The following NAV2 variants were observed in gnomAD, a reference collection of about 807,000 sequenced individuals.
The protein encoded by NAV2 is helicase, APC down-regulated 1.
In NAV2, 54 loss-of-function variants were observed where a neutral mutation model predicts 223.2. That is an observed-to-expected ratio of 0.24 (90% CI 0.19 to 0.30). NAV2 has a LOEUF of 0.30. Ranked by LOEUF, NAV2 falls within the 10% of genes least tolerant of loss-of-function variation. The pLI is 1.00. For missense variants in NAV2, 2,806 were observed against 3,147.5 expected (o/e 0.89, Z 2.60); for synonymous variants, 1,279 against 1,239.3 (o/e 1.03, Z -0.67).
At chr11:19,817,867 A>G (rs1371671975) in intron 1 of NAV2, among the ~76,000 whole-genome samples, 1 of 152,166 alleles carries the variant, frequency 6.6e-6, no homozygotes, top group East Asian at 1.9e-4. Flanking sequence ...CTTTCTGAGA[A>G]GGATTCCACT....
At chr11:19,844,993 T>C (rs111498747) in intron 3 of NAV2, among the ~76,000 whole-genome samples, 3 of 152,280 alleles carry the variant, frequency 2.0e-5, no homozygotes, top group African/African-American at 7.2e-5. Context: ...GCCACAGTCA[T>C]TCTATTCTGT....
intron 1 of NAV2, among the ~76,000 whole-genome samples, chr11:19,737,357 G>C (rs767520692): frequency 6.6e-6 from 1 of 152,226 alleles, no homozygotes; most frequent in Non-Finnish European, 1.5e-5. Context: ...GGGAGTTACA[G>C]GGTGCACAAG....
intron 19 of NAV2, among the ~76,000 whole-genome samples, chr11:20,061,231 TA>T (rs1373018231): frequency 1.3e-5 from 2 of 152,134 alleles, no homozygotes; most frequent in Non-Finnish European, 2.9e-5. Context: ...GCAGCCAGAA[TA>T]CCCAAGTCCT....
chr11:19,465,896 C>A (rs1407404939), intron 1 of NAV2, among the ~76,000 whole-genome samples: 1 of 152,160 alleles, frequency 6.6e-6, no homozygotes, highest in Admixed American at 6.5e-5. Context: ...AAGGCATGAG[C>A]TCAGAAGGGA....
chr11:19,463,863 T>C (rs2632041), intron 1 of NAV2, among the ~76,000 whole-genome samples: 95,672 of 151,298 alleles, frequency 0.63, 30,566 homozygotes, highest in Non-Finnish European at 0.7. Flanking sequence ...AGGGAAGGGC[T>C]GGGCTGGGGG....
chr11:19,658,148 T>A (rs2048180079), intron 1 of NAV2, among the ~76,000 whole-genome samples: 1 of 152,178 alleles, frequency 6.6e-6, no homozygotes, highest in Non-Finnish European at 1.5e-5. Context: ...ACAGCATTCC[T>A]ATGATGTGGG....
At chr11:19,785,923 C>A (rs2057081352) in intron 1 of NAV2, among the ~76,000 whole-genome samples, 1 of 152,144 alleles carries the variant, frequency 6.6e-6, no homozygotes, top group Non-Finnish European at 1.5e-5. Context: ...TACATGCTTT[C>A]TGCCCTTTCT....
At chr11:19,519,930 A>G (rs2043589580) in intron 1 of NAV2, 1 of 152,244 alleles carries the variant, frequency 6.6e-6, no homozygotes, top group Admixed American at 6.5e-5. Flanking sequence ...CTGCAGCATG[A>G]ACCTGCTAAT....
At chr11:19,643,345 TG>T (rs2047720679) in intron 1 of NAV2, among the ~76,000 whole-genome samples, 1 of 123,236 alleles carries the variant, frequency 8.1e-6, no homozygotes. Context: ...CCCCAGTGTG[TG>T]ATGTTCCCCT....
chr11:19,429,960 T>A (rs927352121), intron 1 of NAV2, among the ~76,000 whole-genome samples: 1 of 152,238 alleles, frequency 6.6e-6, no homozygotes. Flanking sequence ...CAGCCTCATC[T>A]TGAGTAATTA....
intron 11 of NAV2, among the ~76,000 whole-genome samples, chr11:20,026,035 G>T (rs1420584945): frequency 6.6e-6 from 1 of 152,194 alleles, no homozygotes; most frequent in African/African-American, 2.4e-5. Flanking sequence ...AGGAGGTAAA[G>T]GTGCCCTGAT....
At chr11:19,897,205 A>G (rs1258978473) in intron 6 of NAV2, among the ~76,000 whole-genome samples, 3 of 151,970 alleles carry the variant, frequency 2.0e-5, no homozygotes, top group Non-Finnish European at 4.4e-5. Flanking sequence ...AACACAGGAA[A>G]GGGAACATCA....
intron 11 of NAV2, among the ~76,000 whole-genome samples, chr11:20,024,556 C>T (rs74635926): frequency 1.5e-3 from 236 of 152,328 alleles, no homozygotes; most frequent in Non-Finnish European, 2.9e-3. Flanking sequence ...CACATGTGTG[C>T]TGGAGGTGCC....
intron 1 of NAV2, among the ~76,000 whole-genome samples, chr11:19,542,746 T>C (rs1283191752): frequency 6.6e-6 from 1 of 152,232 alleles, no homozygotes; most frequent in Non-Finnish European, 1.5e-5. Context: ...GCCTATAAAA[T>C]ATTCTACAGG....
chr11:19,619,975 A>G (rs1445404336), intron 1 of NAV2, among the ~76,000 whole-genome samples: 1 of 152,226 alleles, frequency 6.6e-6, no homozygotes, highest in Non-Finnish European at 1.5e-5. Context: ...AGCTTTCTAC[A>G]TATGGCTAGC....
chr11:19,890,511 C>T (rs757142483), intron 5 of NAV2, among the ~76,000 whole-genome samples: 43 of 152,178 alleles, frequency 2.8e-4, no homozygotes, highest in South Asian at 8.3e-4. Context: ...ATACTGTGAC[C>T]TGCGTTCCCC....
chr11:19,561,805 G>A (rs1233539669), intron 1 of NAV2, among the ~76,000 whole-genome samples: 1 of 152,132 alleles, frequency 6.6e-6, no homozygotes. Flanking sequence ...AAGTGACTTG[G>A]CCAAGGCTCC....
intron 1 of NAV2, among the ~76,000 whole-genome samples, chr11:19,390,425 A>G (rs1335282983): frequency 1.3e-5 from 2 of 152,134 alleles, no homozygotes; most frequent in Non-Finnish European, 2.9e-5. Context: ...AACAAATATG[A>G]ATCTGGTCCT....
intron 1 of NAV2, among the ~76,000 whole-genome samples, chr11:19,705,085 G>A (rs1293142408): frequency 2.6e-5 from 2 of 77,736 alleles, no homozygotes; most frequent in Admixed American, 1.8e-4. Flanking sequence ...ACCTCAATTC[G>A]TAGAAATAAA....
Sources: allele counts gnomAD v4.1 joint callset (sites outside exome capture counted in the v4.1 genomes callset), GRCh38; gene constraint gnomAD v4.1.1; transcripts MANE v1.5; gene names NCBI Gene and HGNC (gene_info 2026-07-23, HGNC 2026-07-21).